ANKRD45: variants seen among roughly 807,000 people sequenced by gnomAD.
The protein encoded by ANKRD45 is ankyrin repeat domain-containing protein 45.
In ANKRD45, 21 loss-of-function variants were observed where a neutral mutation model predicts 28.1. The observed-to-expected ratio is 0.75, with a 90% CI of 0.53 to 1.08. The LOEUF (loss-of-function observed/expected upper bound fraction) is 1.08, where lower values mean the gene tolerates loss of function less well. Among genes scored for constraint, ANKRD45 ranks in the 50% least tolerant of loss-of-function variants. ANKRD45 has a pLI of 0.00. For missense variants in ANKRD45, 261 were observed against 308.7 expected (o/e 0.85, Z 1.16); for synonymous variants, 86 against 103.9 (o/e 0.83, Z 1.05).
At chr1:173,655,400 T>A (rs1300203028) in intron 2 of ANKRD45, among the ~76,000 whole-genome samples, 1 of 152,222 alleles carries the variant, frequency 6.6e-6, no homozygotes, top group African/African-American at 2.4e-5. Flanking sequence ...ACTCCAGACC[T>A]GTTTGCTTGG....
upstream of ANKRD45, among the ~76,000 whole-genome samples, chr1:173,671,062 G>C (rs1359497768): frequency 6.6e-6 from 1 of 152,078 alleles, no homozygotes; most frequent in Non-Finnish European, 1.5e-5. Context: ...CTTCCCCAAC[G>C]TTGCCTAAGT....
chr1:173,635,860 C>T (rs1320171669), intron 3 of ANKRD45: 6 of 1,492,736 alleles, frequency 4.0e-6, no homozygotes, highest in Non-Finnish European at 4.5e-6. Context: ...ATTCGTGATA[C>T]AAGTAGTAAT....
chr1:173,689,772 G>A, the ANKRD45 span, among the ~76,000 whole-genome samples: 1 of 151,886 alleles, frequency 6.6e-6, no homozygotes, highest in Non-Finnish European at 1.5e-5. Context: ...CCGGTGATCT[G>A]CGTTGTTATT....
the ANKRD45 span, among the ~76,000 whole-genome samples, chr1:173,709,392 G>A: frequency 5.3e-5 from 8 of 152,154 alleles, no homozygotes; most frequent in African/African-American, 1.7e-4. Flanking sequence ...GAAAAAGCTA[G>A]GGAGAGATGA....
At chr1:173,632,991 C>T (rs1668261855) in intron 3 of ANKRD45, among the ~76,000 whole-genome samples, 1 of 151,748 alleles carries the variant, frequency 6.6e-6, no homozygotes, top group African/African-American at 2.4e-5. Context: ...TGTTGGAAGT[C>T]TTACCTAGAG....
chr1:173,625,077 A>C (rs865871464), intron 4 of ANKRD45, 152 bp from the exon 5 acceptor site: 11 of 678,704 alleles, frequency 1.6e-5, no homozygotes, highest in Non-Finnish European at 2.3e-5. Context: ...TTAGATATAA[A>C]TAGCTATTGA....
intron 1 of ANKRD45, among the ~76,000 whole-genome samples, chr1:173,665,662 C>T (rs554433638): frequency 4.6e-5 from 7 of 152,050 alleles, no homozygotes; most frequent in South Asian, 2.1e-4. Context: ...AATTGAGAAC[C>T]CCAGGGAATT....
intron 1 of ANKRD45, among the ~76,000 whole-genome samples, chr1:173,660,275 T>A (rs1669721163): frequency 6.6e-6 from 1 of 152,062 alleles, no homozygotes. Flanking sequence ...CAGAGAAGAG[T>A]ACCAGAGTCC....
intron 3 of ANKRD45, chr1:173,635,604 C>A: frequency 1.3e-6 from 2 of 1,535,524 alleles, no homozygotes; most frequent in Non-Finnish European, 1.7e-6. Context: ...TGTGATGGAA[C>A]TGTCTGGACA....
chr1:173,658,694 T>A (rs913379072), intron 2 of ANKRD45: 2 of 153,966 alleles, frequency 1.3e-5, no homozygotes, highest in Non-Finnish European at 2.9e-5. Context: ...AGGAAAGAGA[T>A]AACAGTAAAT....
the ANKRD45 span, among the ~76,000 whole-genome samples, chr1:173,713,828 T>C: frequency 6.6e-6 from 1 of 152,058 alleles, no homozygotes; most frequent in East Asian, 1.9e-4. Flanking sequence ...CCCCAAATGC[T>C]CCAGGAGGCC....
At chr1:173,622,135 C>T (rs907213863) in intron 5 of ANKRD45, among the ~76,000 whole-genome samples, 5 of 152,084 alleles carry the variant, frequency 3.3e-5, no homozygotes, top group African/African-American at 1.2e-4. Flanking sequence ...GAACTACAAA[C>T]CACTGCTCAA....
At chr1:173,649,658 TAGAC>T (rs921055936) in intron 2 of ANKRD45, among the ~76,000 whole-genome samples, 24 of 152,260 alleles carry the variant, frequency 1.6e-4, no homozygotes, top group East Asian at 3.9e-4. Context: ...TTTAGGTAGA[TAGAC>T]AGATCTTTTC....
intron 3 of ANKRD45, among the ~76,000 whole-genome samples, chr1:173,645,785 C>T (rs1668890373): frequency 6.6e-6 from 1 of 152,198 alleles, no homozygotes; most frequent in Admixed American, 6.5e-5. Context: ...TGCCCTTTCC[C>T]TCTCTATTGC....
chr1:173,707,724 A>T, the ANKRD45 span, among the ~76,000 whole-genome samples: 1 of 152,246 alleles, frequency 6.6e-6, no homozygotes, highest in African/African-American at 2.4e-5. Context: ...CATTTGATTG[A>T]TGTGGGGTAT....
At chr1:173,642,958 C>A (rs1668762768) in intron 3 of ANKRD45, among the ~76,000 whole-genome samples, 2 of 152,164 alleles carry the variant, frequency 1.3e-5, no homozygotes, top group Admixed American at 6.5e-5. Flanking sequence ...ACCCTTTCTG[C>A]AGAAAGTAAA....
intron 5 of ANKRD45, among the ~76,000 whole-genome samples, chr1:173,615,610 AC>A (rs1667429444): frequency 6.6e-6 from 1 of 152,180 alleles, no homozygotes; most frequent in African/African-American, 2.4e-5. Context: ...AATGACAAAT[AC>A]TGACAAAGAT....
chr1:173,656,838 G>A (rs185498799), intron 2 of ANKRD45, among the ~76,000 whole-genome samples: 2 of 151,840 alleles, frequency 1.3e-5, no homozygotes, highest in Non-Finnish European at 2.9e-5. Context: ...GTTCGCTTTG[G>A]GTTTTTGATA....
chr1:173,636,938 A>C, intron 3 of ANKRD45: 1 of 1,535,852 alleles, frequency 6.5e-7, no homozygotes, highest in African/African-American at 1.4e-5. Flanking sequence ...AGTGATATAC[A>C]AGATCTGGGA....
Sources: gnomAD v4.1 joint callset for allele counts (sites outside exome capture counted in the v4.1 genomes callset) on GRCh38, gnomAD v4.1.1 for gene constraint, MANE v1.5 for transcripts, NCBI Gene and HGNC (gene_info 2026-07-23, HGNC 2026-07-21) for gene names.